The following SUGCT variants were observed in gnomAD, a reference collection of about 807,000 sequenced individuals.
SUGCT encodes succinyl-CoA:glutarate-CoA transferase.
SUGCT carries 41 observed loss-of-function variants against 55.0 expected under a neutral mutation model. That is an observed-to-expected ratio of 0.74 (90% CI 0.58 to 0.97). The LOEUF is 0.97. Among genes scored for constraint, SUGCT ranks in the 50% least tolerant of loss-of-function variants. SUGCT has a pLI of 0.00. For synonymous variants in SUGCT, 187 were observed against 200.4 expected, an observed-to-expected ratio of 0.93 and a Z score of 0.56; for missense variants, 568 against 547.8, an observed-to-expected ratio of 1.04 and a Z score of -0.37.
chr7:40,918,604 A>G, the SUGCT span, among the ~76,000 whole-genome samples: 1 of 152,206 alleles, frequency 6.6e-6, no homozygotes, highest in Non-Finnish European at 1.5e-5. Flanking sequence ...ATCAGACCTT[A>G]TAACCATTCT....
At chr7:40,892,634 A>G in the SUGCT span, among the ~76,000 whole-genome samples, 1 of 152,114 alleles carries the variant, frequency 6.6e-6, no homozygotes, top group South Asian at 2.1e-4. Context: ...CCTGGGTTCA[A>G]GCAATCCTCC....
chr7:40,328,419 C>T (rs1244431693), intron 9 of SUGCT, among the ~76,000 whole-genome samples: 1 of 152,038 alleles, frequency 6.6e-6, no homozygotes, highest in Non-Finnish European at 1.5e-5. Context: ...TGAGACTCAT[C>T]GTTTCTAGTT....
At chr7:40,148,387 G>A (rs577959869) in intron 1 of SUGCT, among the ~76,000 whole-genome samples, 305 of 152,278 alleles carry the variant, frequency 2.0e-3, no homozygotes, top group African/African-American at 6.8e-3. Flanking sequence ...GCTCATGCTT[G>A]TAATCCCAGC....
At chr7:40,517,474 A>T (rs1358639374) in intron 12 of SUGCT, among the ~76,000 whole-genome samples, 1 of 152,090 alleles carries the variant, frequency 6.6e-6, no homozygotes, top group Non-Finnish European at 1.5e-5. Context: ...AATAAAGTTT[A>T]CTGTGTTCTT....
chr7:40,873,053 GA>G, the SUGCT span, among the ~76,000 whole-genome samples: 4 of 152,164 alleles, frequency 2.6e-5, no homozygotes, highest in African/African-American at 9.6e-5. Flanking sequence ...CTACCCCACT[GA>G]AAACCTGCGG....
chr7:40,979,173 C>T, the SUGCT span, among the ~76,000 whole-genome samples: 1 of 152,082 alleles, frequency 6.6e-6, no homozygotes, highest in East Asian at 1.9e-4. Flanking sequence ...TTAGTTTCCC[C>T]CTTAGCATTT....
chr7:40,536,758 G>A (rs558937379), intron 12 of SUGCT, among the ~76,000 whole-genome samples: 48 of 152,294 alleles, frequency 3.2e-4, no homozygotes, highest in Non-Finnish European at 5.4e-4. Flanking sequence ...CTGAGAAGGG[G>A]AAAGTCTTTC....
In SUGCT at chr7:40,562,286, G is replaced by A. The variant is rs923098339; in HGVS notation, c.1089+65900G>A. Among the ~76,000 whole-genome samples the A allele has an allele frequency of 2.8e-5, 4 of 144,570 alleles. 1 individual carries two copies. In the Middle Eastern group the frequency reaches 0.01, roughly 371 times the overall value. The allele number at this position is 144,570 out of a possible 152,430, so 94.8% of individuals were successfully genotyped here. ...TGCACTCCAGCCTGGGCGACAGAGC[G>A]AGATTCCGTCTCAAAAAAAAAAAAA... On this transcript the variant is annotated intron_variant, in intron 12 of 13. Coordinates refer to ENST00000335693, the MANE Select transcript of SUGCT (RefSeq NM_001193313.2).
intron 9 of SUGCT, among the ~76,000 whole-genome samples, chr7:40,406,880 A>G (rs967633314): frequency 1.3e-5 from 2 of 152,154 alleles, no homozygotes; most frequent in African/African-American, 4.8e-5. Flanking sequence ...TACAATGATC[A>G]TTTGGCATGG....
the SUGCT span, among the ~76,000 whole-genome samples, chr7:40,931,328 A>G: frequency 6.6e-6 from 1 of 152,172 alleles, no homozygotes; most frequent in Non-Finnish European, 1.5e-5. Context: ...GTTTGCCAGT[A>G]TTTTATTGAG....
chr7:41,032,833 G>T, the SUGCT span, among the ~76,000 whole-genome samples: 1 of 152,170 alleles, frequency 6.6e-6, no homozygotes, highest in Non-Finnish European at 1.5e-5. Context: ...GTGAGACCTT[G>T]GCTCACTGCA....
intron 6 of SUGCT, among the ~76,000 whole-genome samples, chr7:40,215,721 G>A (rs1360881231): frequency 6.6e-6 from 1 of 152,010 alleles, no homozygotes; most frequent in East Asian, 1.9e-4. Flanking sequence ...AATTAGCTGG[G>A]CGAGGTGGCG....
intron 8 of SUGCT, among the ~76,000 whole-genome samples, chr7:40,283,930 A>T: frequency 6.6e-6 from 1 of 152,232 alleles, no homozygotes; most frequent in Non-Finnish European, 1.5e-5. Context: ...GAATAGATAA[A>T]GAAATGTGTT....
At chr7:40,203,853 A>G (rs955142151) in intron 6 of SUGCT, among the ~76,000 whole-genome samples, 4 of 152,164 alleles carry the variant, frequency 2.6e-5, no homozygotes, top group East Asian at 1.9e-4. Context: ...TAGATTTTCA[A>G]CTATTTAAAC....
chr7:40,540,965 T>A (rs1794641630), intron 12 of SUGCT, among the ~76,000 whole-genome samples: 1 of 152,228 alleles, frequency 6.6e-6, no homozygotes, highest in African/African-American at 2.4e-5. Context: ...ATTCCTTCCG[T>A]TATTTTTGTG....
downstream of SUGCT, among the ~76,000 whole-genome samples, chr7:40,863,553 A>G (rs1342704061): frequency 2.6e-5 from 4 of 152,206 alleles, no homozygotes; most frequent in East Asian, 7.7e-4. Flanking sequence ...TAGACAGACT[A>G]TGCAGATCTT....
At chr7:40,600,922 T>C (rs1254693097) in intron 12 of SUGCT, among the ~76,000 whole-genome samples, 1 of 152,182 alleles carries the variant, frequency 6.6e-6, no homozygotes, top group Admixed American at 6.5e-5. Flanking sequence ...AAGGTACTTA[T>C]GTTCAACACT....
intron 12 of SUGCT, among the ~76,000 whole-genome samples, chr7:40,620,317 T>C (rs1799204915): frequency 6.6e-6 from 1 of 152,206 alleles, no homozygotes; most frequent in African/African-American, 2.4e-5. Flanking sequence ...GCTCAAGATA[T>C]TTAACCTCAA....
the SUGCT span, among the ~76,000 whole-genome samples, chr7:40,936,865 G>A: frequency 6.6e-6 from 1 of 151,882 alleles, no homozygotes; most frequent in Non-Finnish European, 1.5e-5. Flanking sequence ...CCATTGGTTG[G>A]TTAAGGATGT....
Sources: allele counts gnomAD v4.1 joint callset (sites outside exome capture counted in the v4.1 genomes callset), GRCh38; gene constraint gnomAD v4.1.1; transcripts MANE v1.5; gene names NCBI Gene and HGNC (gene_info 2026-07-23, HGNC 2026-07-21).